DCC: variants seen among roughly 807,000 people sequenced by gnomAD.
DCC encodes the protein DCC netrin 1 receptor.
Under a neutral mutation model 172.5 loss-of-function variants are expected in DCC, and 58 were observed. The observed-to-expected ratio is 0.34, with a 90% CI of 0.27 to 0.42. The LOEUF is 0.42. DCC is among the 10% of genes least tolerant of loss of function. The pLI, the probability that DCC is intolerant of heterozygous loss-of-function variation, is 1.00. For synonymous variants in DCC, 709 were observed against 644.5 expected (o/e 1.10, Z -1.52); for missense variants, 1,740 against 1,791.0 (o/e 0.97, Z 0.51).
chr18:52,577,059 A>G (rs976764089), intron 1 of DCC, among the ~76,000 whole-genome samples: 1 of 152,226 alleles, frequency 6.6e-6, no homozygotes, highest in Non-Finnish European at 1.5e-5. Flanking sequence ...GTTACAGTGC[A>G]GCTCTGAACA....
At chr18:52,935,538 G>T (rs2040369036) in intron 5 of DCC, among the ~76,000 whole-genome samples, 1 of 152,006 alleles carries the variant, frequency 6.6e-6, no homozygotes, top group South Asian at 2.1e-4. Flanking sequence ...CTTCAAAATT[G>T]ATATGGCTTT....
intron 20 of DCC, among the ~76,000 whole-genome samples, chr18:53,415,338 G>T (rs1328677213): frequency 6.6e-6 from 1 of 152,072 alleles, no homozygotes; most frequent in Admixed American, 6.6e-5. Flanking sequence ...AAGACTCAAA[G>T]CTCAAAGACG....
At chr18:52,486,292 C>T (rs2030220377) in intron 1 of DCC, among the ~76,000 whole-genome samples, 1 of 152,074 alleles carries the variant, frequency 6.6e-6, no homozygotes, top group Admixed American at 6.6e-5. Flanking sequence ...AGAAACAGGT[C>T]TTCAAGAGGG....
At chr18:52,917,132 G>GAAAAAAAAAAAAAAAAAAAA (rs2040053330) in intron 3 of DCC, among the ~76,000 whole-genome samples, 1 of 81,314 alleles carries the variant, frequency 1.2e-5, no homozygotes, top group African/African-American at 5.1e-5. Context: ...AAAAAAAAAA[G>GAAAAAAAAAAAAAAAAAAAA]AAAACAAAAA....
At chr18:53,259,138 T>C (rs12968441) in intron 12 of DCC, among the ~76,000 whole-genome samples, 4,790 of 151,720 alleles carry the variant, frequency 0.032, 124 homozygotes, top group East Asian at 0.13. Context: ...GAATACAGCA[T>C]ACTGATGGGT....
intron 14 of DCC, among the ~76,000 whole-genome samples, chr18:53,337,426 AG>A (rs1312321287): frequency 6.6e-6 from 1 of 152,254 alleles, no homozygotes; most frequent in Non-Finnish European, 1.5e-5. Flanking sequence ...CTGTGGCAGT[AG>A]GGTTGAAAAC....
chr18:52,572,189 G>T (rs372710703), intron 1 of DCC, among the ~76,000 whole-genome samples: 1 of 152,086 alleles, frequency 6.6e-6, no homozygotes, highest in Non-Finnish European at 1.5e-5. Flanking sequence ...GACACCCAGC[G>T]CCTGCTGGCA....
At chr18:53,328,339 T>A (rs564768803) in intron 14 of DCC, among the ~76,000 whole-genome samples, 1 of 152,304 alleles carries the variant, frequency 6.6e-6, no homozygotes, top group South Asian at 2.1e-4. Flanking sequence ...CCCTATATTC[T>A]TGGGCAAATA....
chr18:53,124,836 G>A (rs562262336), intron 7 of DCC, among the ~76,000 whole-genome samples: 1 of 152,058 alleles, frequency 6.6e-6, no homozygotes, highest in Admixed American at 6.6e-5. Flanking sequence ...TGTGTGTGGT[G>A]GCACATGCCT....
chr18:52,538,622 T>C (rs1451589042), intron 1 of DCC, among the ~76,000 whole-genome samples: 1 of 152,214 alleles, frequency 6.6e-6, no homozygotes, highest in Non-Finnish European at 1.5e-5. Context: ...GGATACCATG[T>C]GAATCTTCCT....
Position 53,453,470 on chromosome 18 carries a change from GT to G in DCC, c.3392+2816del, listed in dbSNP as rs1002679008. 1.2e-4 allele frequency among the ~76,000 whole-genome samples: 18 copies of G among 151,098 alleles called. No homozygotes were observed. In the South Asian group the frequency reaches 2.7e-3, roughly 23 times the overall value. Reference sequence around the variant, plus strand: ...CTAGAGAATATAAATTTTTCTTTATGTTTTTTTTGGGGGACTTGAATTACAT... The same window carrying G: ...CTAGAGAATATAAATTTTTCTTTATGTTTTTTTGGGGGACTTGAATTACAT... On this transcript the variant is annotated intron_variant, in intron 23 of 28. Coordinates refer to ENST00000442544, the MANE Select transcript of DCC (RefSeq NM_005215.4).
chr18:52,732,340 A>AGG (rs1827706745), intron 1 of DCC, among the ~76,000 whole-genome samples: 1 of 152,222 alleles, frequency 6.6e-6, no homozygotes, highest in Non-Finnish European at 1.5e-5. Context: ...GCTTTGAAAA[A>AGG]GTAAAGAATT....
chr18:52,642,047 CTGTGGT>C, intron 1 of DCC, among the ~76,000 whole-genome samples: 1 of 65,736 alleles, frequency 1.5e-5, no homozygotes, highest in East Asian at 3.9e-4. Flanking sequence ...TATATATATA[CTGTGGT>C]GTGTGTGTGT....
chr18:52,644,826 AGGG>A, intron 1 of DCC, among the ~76,000 whole-genome samples: 2 of 66,400 alleles, frequency 3.0e-5, no homozygotes, highest in African/African-American at 1.2e-4. Flanking sequence ...GGAGGGAGGG[AGGG>A]AGGGAGGGAA....
At chr18:53,220,190 G>A (rs1368875814) in intron 12 of DCC, among the ~76,000 whole-genome samples, 1 of 152,166 alleles carries the variant, frequency 6.6e-6, no homozygotes, top group Non-Finnish European at 1.5e-5. Context: ...TGGGGTATGT[G>A]TATGTGTGTA....
intron 16 of DCC, among the ~76,000 whole-genome samples, chr18:53,390,214 C>T (rs1156447245): frequency 1.3e-5 from 2 of 151,878 alleles, no homozygotes; most frequent in Admixed American, 6.6e-5. Flanking sequence ...AAAGCCTGGG[C>T]TCTGTCATTA....
At chr18:52,497,260 C>CAAAAAAAAAAA (rs111476286) in intron 1 of DCC, among the ~76,000 whole-genome samples, 2 of 53,970 alleles carry the variant, frequency 3.7e-5, no homozygotes, top group Non-Finnish European at 7.1e-5. Context: ...GACCCTGTAT[C>CAAAAAAAAAAA]AAAAAAAAAA....
At chr18:52,377,298 C>G (rs1056725453) in intron 1 of DCC, among the ~76,000 whole-genome samples, 1 of 152,176 alleles carries the variant, frequency 6.6e-6, no homozygotes, top group African/African-American at 2.4e-5. Context: ...TAATGGATCA[C>G]TTAGAAGCAT....
chr18:52,366,284 C>G (rs191530038), intron 1 of DCC, among the ~76,000 whole-genome samples: 15 of 151,556 alleles, frequency 9.9e-5, no homozygotes, highest in Non-Finnish European at 1.9e-4. Context: ...TTAAAAGCAG[C>G]GTGGACCCAA....
Sources: allele counts gnomAD v4.1 joint callset (sites outside exome capture counted in the v4.1 genomes callset), GRCh38; gene constraint gnomAD v4.1.1; transcripts MANE v1.5; gene names NCBI Gene and HGNC (gene_info 2026-07-23, HGNC 2026-07-21).